PAK5: variants seen among roughly 807,000 people sequenced by gnomAD.
PAK5 encodes the protein serine/threonine-protein kinase PAK 5.
PAK5 carries 16 observed loss-of-function variants against 65.9 expected under a neutral mutation model. The ratio of observed to expected loss-of-function variants is 0.24; its 90% CI spans 0.16 to 0.37. The LOEUF (loss-of-function observed/expected upper bound fraction) is 0.37, where lower values mean the gene tolerates loss of function less well. Among genes scored for constraint, PAK5 ranks in the 10% least tolerant of loss-of-function variants. The pLI is 1.00. For synonymous variants in PAK5, 371 were observed against 354.9 expected, an observed-to-expected ratio of 1.05 and a Z score of -0.51; for missense variants, 785 against 903.9, an observed-to-expected ratio of 0.87 and a Z score of 1.69.
rs1371699744 is a variant in PAK5 at position 9,547,464 on chromosome 20, G to A, written c.1744-2970C>T. 5.9e-5 allele frequency among the ~76,000 whole-genome samples: 9 copies of A among 152,146 alleles called. No homozygotes were observed. In the South Asian group the frequency reaches 6.2e-4, roughly 11 times the overall value. ...AGCTCCCAAGAAACTAACGAGGTAG[G>A]AAATATTATTATCTCCATTTTACAG... On this transcript the variant is annotated intron_variant, in intron 7 of 9. Coordinates refer to ENST00000353224, the MANE Select transcript of PAK5 (RefSeq NM_177990.4).
intron 1 of PAK5, among the ~76,000 whole-genome samples, chr20:9,804,478 T>C (rs2049207819): frequency 6.6e-6 from 1 of 152,148 alleles, no homozygotes; most frequent in Admixed American, 6.6e-5. Flanking sequence ...AATCATATTT[T>C]CAACAAATGG....
intron 3 of PAK5, among the ~76,000 whole-genome samples, chr20:9,592,311 T>C (rs890279522): frequency 1.3e-5 from 2 of 152,174 alleles, no homozygotes; most frequent in African/African-American, 4.8e-5. Flanking sequence ...AATATCCATG[T>C]AACAAACAAG....
At chr20:9,553,921 C>G (rs2045468518) in intron 7 of PAK5, among the ~76,000 whole-genome samples, 1 of 152,162 alleles carries the variant, frequency 6.6e-6, no homozygotes, top group Non-Finnish European at 1.5e-5. Flanking sequence ...TGAAAAAGAA[C>G]TGCCAAAGTA....
intron 1 of PAK5, among the ~76,000 whole-genome samples, chr20:9,770,297 TG>T (rs1271352533): frequency 6.6e-6 from 1 of 151,902 alleles, no homozygotes; most frequent in Non-Finnish European, 1.5e-5. Flanking sequence ...GATGGGGACA[TG>T]GGGATGTCTC....
chr20:9,608,761 T>C (rs191719066), intron 3 of PAK5, among the ~76,000 whole-genome samples: 2 of 152,344 alleles, frequency 1.3e-5, no homozygotes, highest in East Asian at 3.9e-4. Context: ...ATTTGAATCA[T>C]TTAGATTAAA....
intron 3 of PAK5, among the ~76,000 whole-genome samples, chr20:9,599,888 C>T (rs757943106): frequency 1.1e-4 from 16 of 151,902 alleles, no homozygotes; most frequent in Non-Finnish European, 2.1e-4. Flanking sequence ...TCTTTCGGTG[C>T]TTGCGCTTTT....
At chr20:9,656,184 C>T (rs1370801418) in intron 2 of PAK5, among the ~76,000 whole-genome samples, 1 of 152,098 alleles carries the variant, frequency 6.6e-6, no homozygotes, top group Non-Finnish European at 1.5e-5. Context: ...GTTGGTCTTC[C>T]TTAGCAAGCC....
intron 2 of PAK5, among the ~76,000 whole-genome samples, chr20:9,662,177 T>A (rs2047356042): frequency 6.6e-6 from 1 of 152,176 alleles, no homozygotes; most frequent in Non-Finnish European, 1.5e-5. Context: ...CTATACACCA[T>A]GCATTGGGAG....
At chr20:9,698,736 T>C (rs1745730568) in intron 2 of PAK5, among the ~76,000 whole-genome samples, 1 of 152,172 alleles carries the variant, frequency 6.6e-6, no homozygotes, top group South Asian at 2.1e-4. Flanking sequence ...TGCACTGCTG[T>C]CTATAAGTGA....
chr20:9,555,286 T>C (rs531998926), intron 7 of PAK5, among the ~76,000 whole-genome samples: 1 of 152,190 alleles, frequency 6.6e-6, no homozygotes, highest in Non-Finnish European at 1.5e-5. Context: ...TGCACAGGGA[T>C]GCAGGAGGTG....
intron 9 of PAK5, among the ~76,000 whole-genome samples, chr20:9,539,848 A>C (rs952239347): frequency 6.6e-6 from 1 of 152,234 alleles, no homozygotes; most frequent in Non-Finnish European, 1.5e-5. Context: ...CTAAGAATGA[A>C]AACTTATTTA....
intron 2 of PAK5, among the ~76,000 whole-genome samples, chr20:9,691,149 A>G (rs8184671): frequency 0.35 from 52,517 of 152,018 alleles, 10,790 homozygotes; most frequent in African/African-American, 0.58. Context: ...TGCACCTTGC[A>G]GCTGCCTGCT....
rs562750630 is a variant in PAK5, at chr20:9,554,261, G to T, written c.1743+3347C>A. Among the ~76,000 whole-genome samples the T allele has an allele frequency of 3.9e-5, 6 of 152,296 alleles. No homozygotes were observed. In the East Asian group the frequency reaches 1.2e-3, roughly 29 times the overall value. ...TGAATCTGGAAGGGCTTGTGACCATGGTGAAAGTAATGTTATTTGATTCTG... is the reference window on the plus strand; with the variant it reads ...TGAATCTGGAAGGGCTTGTGACCATTGTGAAAGTAATGTTATTTGATTCTG... On this transcript the variant is annotated intron_variant, in intron 7 of 9. Transcript: ENST00000353224.
At chr20:9,821,611 C>G (rs146097606) in intron 1 of PAK5, among the ~76,000 whole-genome samples, 239 of 152,250 alleles carry the variant, frequency 1.6e-3, no homozygotes, top group African/African-American at 5.4e-3. Flanking sequence ...AGAAAGCCAC[C>G]TGGGTTATTT....
intron 1 of PAK5, among the ~76,000 whole-genome samples, chr20:9,745,450 TC>T (rs910055444): frequency 8.5e-5 from 13 of 152,208 alleles, no homozygotes; most frequent in African/African-American, 3.1e-4. Context: ...AAGGAAAAAA[TC>T]CTTTACAGCT....
At chr20:9,771,526 GCC>G (rs1417013817) in intron 1 of PAK5, among the ~76,000 whole-genome samples, 3 of 150,018 alleles carry the variant, frequency 2.0e-5, no homozygotes, top group Non-Finnish European at 4.4e-5. Context: ...CTCCCACTCA[GCC>G]TCCCAAGGAG....
intron 4 of PAK5, among the ~76,000 whole-genome samples, chr20:9,574,784 C>G (rs956600716): frequency 3.3e-5 from 5 of 152,036 alleles, no homozygotes; most frequent in African/African-American, 9.7e-5. Context: ...TAATGAAGAC[C>G]CTGTAGGTAA....
At chr20:9,660,846 A>T (rs1327021726) in intron 2 of PAK5, among the ~76,000 whole-genome samples, 1 of 152,102 alleles carries the variant, frequency 6.6e-6, no homozygotes, top group East Asian at 1.9e-4. Flanking sequence ...AAACAGAGGG[A>T]CATGAGACAG....
chr20:9,761,769 T>C (rs966313854), intron 1 of PAK5, among the ~76,000 whole-genome samples: 1 of 152,236 alleles, frequency 6.6e-6, no homozygotes, highest in African/African-American at 2.4e-5. Flanking sequence ...TTATCATCTA[T>C]ACATCTCTTG....
Sources: allele counts gnomAD v4.1 joint callset (sites outside exome capture counted in the v4.1 genomes callset), GRCh38; gene constraint gnomAD v4.1.1; transcripts MANE v1.5; gene names NCBI Gene and HGNC (gene_info 2026-07-23, HGNC 2026-07-21).